GABPA: variants seen among roughly 807,000 people sequenced by gnomAD.
GABPA encodes the protein GA binding protein transcription factor subunit alpha, also known as GA-binding protein alpha chain.
A neutral mutation model predicts 59.4 loss-of-function variants in GABPA; 4 were observed. The observed-to-expected ratio is 0.07, with a 90% CI of 0.03 to 0.15. GABPA has a LOEUF of 0.15. Ranked by LOEUF, GABPA falls within the 10% of genes least tolerant of loss-of-function variation. The pLI, the probability that GABPA is intolerant of heterozygous loss-of-function variation, is 1.00. For synonymous variants in GABPA, 164 were observed against 183.1 expected, an observed-to-expected ratio of 0.90 and a Z score of 0.84; for missense variants, 251 against 543.8, an observed-to-expected ratio of 0.46 and a Z score of 5.36.
At chr21:25,752,399 T>G in intron 5 of GABPA, 165 bp downstream of exon 5, 1 of 786,078 alleles carries the variant, frequency 1.3e-6, no homozygotes, top group East Asian at 2.7e-5. Flanking sequence ...GCTCATGTGG[T>G]GGACAAATTC....
chr21:25,752,483 G>A (rs568555033), intron 5 of GABPA: 5 of 438,684 alleles, frequency 1.1e-5, no homozygotes, highest in African/African-American at 1.9e-5. Flanking sequence ...TAGTTGAAGA[G>A]AGAGAAGATA....
chr21:25,736,214 G>GA (rs1237053619), intron 1 of GABPA, among the ~76,000 whole-genome samples: 3 of 152,204 alleles, frequency 2.0e-5, no homozygotes, highest in Non-Finnish European at 4.4e-5. Flanking sequence ...AGTTTGATCA[G>GA]GTTAGCGGAC....
Position 25,749,637 on chromosome 21 carries a change from G to A in GABPA, c.307+517G>A, listed in dbSNP as rs1249919463. On this transcript the variant is annotated intron_variant, in intron 4 of 9. Transcript: ENST00000400075. ...ATTTGAGGTCAAGAGTTTGAGAACA[G>A]CCTGGCCAACATGGTGCAACCCCAT... Among the ~76,000 whole-genome samples, 3 of 152,198 alleles carry A rather than the reference G, an allele frequency of 2.0e-5. No individual in the cohort carries two copies. In the East Asian group the frequency reaches 5.8e-4, roughly 29 times the overall value.
At chr21:25,736,851 A>G (rs2035082212) in intron 1 of GABPA, among the ~76,000 whole-genome samples, 1 of 152,192 alleles carries the variant, frequency 6.6e-6, no homozygotes, top group South Asian at 2.1e-4. Flanking sequence ...CTTAACTGCT[A>G]CCTTTATTTT....
At chr21:25,758,940 C>T (rs954358099) in intron 6 of GABPA, among the ~76,000 whole-genome samples, 1 of 151,992 alleles carries the variant, frequency 6.6e-6, no homozygotes, top group African/African-American at 2.4e-5. Flanking sequence ...CAAGGTGGTG[C>T]GTGTCTGTAG....
At chr21:25,748,877 G>C (rs1334339580) in intron 3 of GABPA, among the ~76,000 whole-genome samples, 159 bp from the exon 4 acceptor site, 1 of 152,164 alleles carries the variant, frequency 6.6e-6, no homozygotes, top group Non-Finnish European at 1.5e-5. Context: ...TTTTGGCAAA[G>C]AATTAAATAT....
intron 9 of GABPA, among the ~76,000 whole-genome samples, chr21:25,768,140 A>G (rs979454656): frequency 7.9e-5 from 12 of 152,052 alleles, no homozygotes; most frequent in Non-Finnish European, 1.5e-5. Context: ...AAGGAAACAT[A>G]AATCCAGCTC....
intron 6 of GABPA, among the ~76,000 whole-genome samples, chr21:25,758,439 C>G (rs1051636209): frequency 2.0e-5 from 3 of 152,100 alleles, no homozygotes; most frequent in Non-Finnish European, 4.4e-5. Context: ...GCTTTGAGAG[C>G]CCCATAAAGT....
chr21:25,747,417 G>A (rs1485606743), intron 3 of GABPA, among the ~76,000 whole-genome samples: 1 of 152,082 alleles, frequency 6.6e-6, no homozygotes, highest in East Asian at 1.9e-4. Context: ...AATAATAGTT[G>A]GATAAATGGT....
At chr21:25,742,683 G>A (rs2035251450) in intron 2 of GABPA, among the ~76,000 whole-genome samples, 1 of 151,962 alleles carries the variant, frequency 6.6e-6, no homozygotes, top group East Asian at 1.9e-4. Flanking sequence ...GGAGGCTGAG[G>A]TGGGCAGATC....
chr21:25,743,461 G>T, intron 2 of GABPA, among the ~76,000 whole-genome samples: 1 of 152,144 alleles, frequency 6.6e-6, no homozygotes, highest in Non-Finnish European at 1.5e-5. Flanking sequence ...TTTGTGGATA[G>T]TCTAGGTTAG....
chr21:25,743,431 A>C (rs2035276310), intron 2 of GABPA, among the ~76,000 whole-genome samples: 1 of 152,132 alleles, frequency 6.6e-6, no homozygotes, highest in Non-Finnish European at 1.5e-5. Context: ...ACAAAGTCTA[A>C]AGTATGTACT....
In GABPA at chr21:25,768,554, A is replaced by G. The variant is rs11911013; in HGVS notation, c.1137-450A>G. 4.0e-3 allele frequency among the ~76,000 whole-genome samples: 610 copies of G among 152,180 alleles called. 3 individuals carry two copies. Among genetic ancestry groups the G allele is most frequent in the African/African-American group, 0.014 (569 of 41,522 alleles). ...ATTATCCCTTTAATCCTCAACAATG[A>G]TATGAGGGTATAAGCACTGTTAACC... On this transcript the variant is annotated intron_variant, in intron 9 of 9. Coordinates refer to ENST00000400075, the MANE Select transcript of GABPA (RefSeq NM_002040.4).
At chr21:25,757,175 A>G (rs2035657212) in intron 5 of GABPA, among the ~76,000 whole-genome samples, 1 of 152,302 alleles carries the variant, frequency 6.6e-6, no homozygotes, top group South Asian at 2.1e-4. Context: ...TGAATAGATC[A>G]TCTTCTTAAA....
intron 6 of GABPA, among the ~76,000 whole-genome samples, chr21:25,761,530 T>C (rs978907762): frequency 6.6e-6 from 1 of 152,170 alleles, no homozygotes; most frequent in Admixed American, 6.6e-5. Context: ...CGGAGTCTTC[T>C]TGGGAGCCCA....
chr21:25,743,777 A>G (rs2035286959), intron 2 of GABPA, among the ~76,000 whole-genome samples: 1 of 152,082 alleles, frequency 6.6e-6, no homozygotes, highest in Non-Finnish European at 1.5e-5. Context: ...AACTGGCCTG[A>G]CACAGTGGCT....
At chr21:25,765,570 T>A (rs2035871388) in intron 9 of GABPA, among the ~76,000 whole-genome samples, 1 of 151,974 alleles carries the variant, frequency 6.6e-6, no homozygotes, top group Non-Finnish European at 1.5e-5. Context: ...GTTACAGTAT[T>A]ACGGCCATGT....
At chr21:25,759,908 C>T (rs977900790) in intron 6 of GABPA, among the ~76,000 whole-genome samples, 4 of 152,180 alleles carry the variant, frequency 2.6e-5, no homozygotes, top group African/African-American at 9.7e-5. Flanking sequence ...TTTCCCAGGT[C>T]AGCTGTTTGT....
chr21:25,748,450 G>A (rs901283138), intron 3 of GABPA, among the ~76,000 whole-genome samples: 3 of 152,142 alleles, frequency 2.0e-5, no homozygotes, highest in Non-Finnish European at 4.4e-5. Flanking sequence ...AGTGTGAAAT[G>A]CATTCTATAA....
Sources: allele counts gnomAD v4.1 joint callset (sites outside exome capture counted in the v4.1 genomes callset), GRCh38; gene constraint gnomAD v4.1.1; transcripts MANE v1.5; gene names NCBI Gene and HGNC (gene_info 2026-07-23, HGNC 2026-07-21).